ATP8A1: variants seen among roughly 807,000 people sequenced by gnomAD.
ATP8A1 encodes the protein ATPase phospholipid transporting 8A1.
In ATP8A1, 90 loss-of-function variants were observed where a neutral mutation model predicts 177.7. The ratio of observed to expected loss-of-function variants is 0.51; its 90% CI spans 0.43 to 0.60. The LOEUF is 0.60. Among genes scored for constraint, ATP8A1 ranks in the 20% least tolerant of loss-of-function variants. ATP8A1 has a pLI of 0.00. For missense variants in ATP8A1, 1,072 were observed against 1,392.8 expected, an observed-to-expected ratio of 0.77 and a Z score of 3.67; for synonymous variants, 493 against 485.9, an observed-to-expected ratio of 1.01 and a Z score of -0.19.
intron 33 of ATP8A1, among the ~76,000 whole-genome samples, chr4:42,438,704 A>T (rs1215707573): frequency 6.6e-6 from 1 of 152,146 alleles, no homozygotes; most frequent in Non-Finnish European, 1.5e-5. Flanking sequence ...CTACAAGACA[A>T]AAAGAGTTAT....
intron 1 of ATP8A1, among the ~76,000 whole-genome samples, chr4:42,627,342 T>C (rs1738216413): frequency 6.6e-6 from 1 of 152,158 alleles, no homozygotes; most frequent in Admixed American, 6.5e-5. Context: ...AGACATAACA[T>C]CAACTTTCCA....
intron 29 of ATP8A1, among the ~76,000 whole-genome samples, chr4:42,455,094 C>CA (rs1475524109): frequency 2.6e-5 from 4 of 152,096 alleles, no homozygotes; most frequent in South Asian, 2.1e-4. Context: ...ATAAAACACA[C>CA]AAAAAACCCC....
At chr4:42,414,085 A>G (rs1712948110) in intron 36 of ATP8A1, among the ~76,000 whole-genome samples, 1 of 152,264 alleles carries the variant, frequency 6.6e-6, no homozygotes, top group Non-Finnish European at 1.5e-5. Context: ...AAAATAAATT[A>G]TAAGTGGAAA....
chr4:42,627,555 A>C (rs1489916825), intron 1 of ATP8A1, among the ~76,000 whole-genome samples: 1 of 152,234 alleles, frequency 6.6e-6, no homozygotes, highest in African/African-American at 2.4e-5. Flanking sequence ...GATAAATAGT[A>C]AGGTTTAAAT....
chr4:42,583,646 A>C (rs1372382736), intron 9 of ATP8A1, among the ~76,000 whole-genome samples: 2 of 152,224 alleles, frequency 1.3e-5, no homozygotes, highest in Non-Finnish European at 2.9e-5. Context: ...CTGGCATTAG[A>C]CTATGACCCT....
intron 14 of ATP8A1, among the ~76,000 whole-genome samples, chr4:42,574,167 A>G (rs1357127317): frequency 6.6e-6 from 1 of 152,114 alleles, no homozygotes; most frequent in Admixed American, 6.5e-5. Flanking sequence ...CCTTTCCATC[A>G]TCAGAATTTT....
At chr4:42,547,763 T>G (rs970678765) in intron 19 of ATP8A1, among the ~76,000 whole-genome samples, 1 of 152,228 alleles carries the variant, frequency 6.6e-6, no homozygotes, top group African/African-American at 2.4e-5. Context: ...CAGACTGCAT[T>G]ATTTTTGTTA....
chr4:42,525,757 C>T (rs1444066235), intron 20 of ATP8A1, among the ~76,000 whole-genome samples: 1 of 152,150 alleles, frequency 6.6e-6, no homozygotes, highest in Non-Finnish European at 1.5e-5. Context: ...ATTACTTTCT[C>T]AGTGGTATTA....
At chr4:42,615,653 T>G (rs1736830636) in intron 5 of ATP8A1, among the ~76,000 whole-genome samples, 1 of 152,230 alleles carries the variant, frequency 6.6e-6, no homozygotes, top group Non-Finnish European at 1.5e-5. Flanking sequence ...AAAATGCTTT[T>G]CACTCAAGTG....
At chr4:42,578,174 T>C in intron 12 of ATP8A1, 86 bp downstream of exon 12, 2 of 1,321,228 alleles carry the variant, frequency 1.5e-6, no homozygotes, top group Non-Finnish European at 2.0e-6. Context: ...GTAGATATAA[T>C]TAAAACCTTT....
intron 12 of ATP8A1, among the ~76,000 whole-genome samples, chr4:42,575,938 T>C (rs930291548): frequency 1.1e-4 from 17 of 152,198 alleles, no homozygotes; most frequent in African/African-American, 2.7e-4. Context: ...AGCCTGTCTA[T>C]GAATCATGCA....
At chr4:42,438,547 A>G (rs1349442063) in intron 33 of ATP8A1, among the ~76,000 whole-genome samples, 1 of 152,178 alleles carries the variant, frequency 6.6e-6, no homozygotes. Context: ...TGAGGGAGTC[A>G]GGTGGGTGTT....
intron 14 of ATP8A1, among the ~76,000 whole-genome samples, chr4:42,573,055 AG>A (rs1355956851): frequency 6.6e-6 from 1 of 152,190 alleles, no homozygotes; most frequent in Non-Finnish European, 1.5e-5. Flanking sequence ...ACTACTGCCT[AG>A]GAGTGTTTAA....
At chr4:42,583,205 G>A (rs987872855) in intron 9 of ATP8A1, among the ~76,000 whole-genome samples, 1 of 152,090 alleles carries the variant, frequency 6.6e-6, no homozygotes, top group Non-Finnish European at 1.5e-5. Flanking sequence ...AATCAATCCC[G>A]ATGCGTAGGT....
intron 22 of ATP8A1, among the ~76,000 whole-genome samples, chr4:42,512,478 AGGTGCTTCT>A (rs1725104181): frequency 6.6e-6 from 1 of 152,180 alleles, no homozygotes; most frequent in African/African-American, 2.4e-5. Context: ...TACTCCAAGC[AGGTGCTTCT>A]GGGCAGGTAC....
At chr4:42,444,435 C>T in intron 32 of ATP8A1, 143 bp downstream of exon 32, 2 of 737,922 alleles carry the variant, frequency 2.7e-6, no homozygotes, top group South Asian at 2.0e-5. Flanking sequence ...TTCCCCTACC[C>T]CTGACACCCC....
At chr4:42,477,935 A>C (rs1721254549) in intron 25 of ATP8A1, among the ~76,000 whole-genome samples, 1 of 152,088 alleles carries the variant, frequency 6.6e-6, no homozygotes, top group Non-Finnish European at 1.5e-5. Flanking sequence ...GTGAGCTAAG[A>C]TCAGGCTGCA....
rs1361768540 is a variant in ATP8A1, at chr4:42,472,474, A to G, written c.2325-7398T>C. ...TACAAGAAAGAGAAATTTGGCCAGGAGCAGTGGCTCACGCCTGTAATCCCA... is the reference window on the plus strand; with the variant it reads ...TACAAGAAAGAGAAATTTGGCCAGGGGCAGTGGCTCACGCCTGTAATCCCA... On this transcript the variant is annotated intron_variant, in intron 25 of 36. Coordinates refer to ENST00000381668, the MANE Select transcript of ATP8A1 (RefSeq NM_006095.2). The G allele has an allele frequency of 1.6e-5, 5 of 315,806 alleles. No homozygotes were observed. The East Asian group carries it at 3.4e-4, about 21-fold the overall frequency. The allele number at this position is 315,806 out of a possible 1,614,324, so 19.6% of individuals were successfully genotyped here. A position where few individuals can be genotyped will look rare whatever the true frequency, so the allele number is the denominator to read the frequency against.
chr4:42,621,469 C>T (rs1737457940), intron 4 of ATP8A1, among the ~76,000 whole-genome samples: 1 of 152,172 alleles, frequency 6.6e-6, no homozygotes, highest in African/African-American at 2.4e-5. Flanking sequence ...CTCAGACTGG[C>T]AAACAACTAT....
Sources: gnomAD v4.1 joint callset for allele counts (sites outside exome capture counted in the v4.1 genomes callset) on GRCh38, gnomAD v4.1.1 for gene constraint, MANE v1.5 for transcripts, NCBI Gene and HGNC (gene_info 2026-07-23, HGNC 2026-07-21) for gene names.